PHYH: variants seen among roughly 807,000 people sequenced by gnomAD.
The protein encoded by PHYH is phytanoyl-CoA 2-hydroxylase, also known as phytanoyl-CoA dioxygenase, peroxisomal.
Under a neutral mutation model 38.5 loss-of-function variants are expected in PHYH, and 32 were observed. That is an observed-to-expected ratio of 0.83 (90% CI 0.63 to 1.12). The LOEUF is 1.12. Among genes scored for constraint, PHYH ranks in the 50% most tolerant of loss-of-function variants. The probability of loss-of-function intolerance (pLI) is 0.00; values close to 1 mark genes in which losing one functional copy is unlikely to be tolerated. For synonymous variants in PHYH, 166 were observed against 157.9 expected (o/e 1.05, Z -0.38); for missense variants, 426 against 434.8 (o/e 0.98, Z 0.18).
chr10:13,293,859 C>G (rs187601992), intron 4 of PHYH, among the ~76,000 whole-genome samples: 3 of 151,826 alleles, frequency 2.0e-5, no homozygotes, highest in Admixed American at 6.6e-5. Flanking sequence ...ATAATTTATA[C>G]CTCCTAAAAT....
At chr10:13,282,268 A>C (rs1034157982) in intron 7 of PHYH, among the ~76,000 whole-genome samples, 3 of 151,854 alleles carry the variant, frequency 2.0e-5, no homozygotes, top group Non-Finnish European at 4.4e-5. Flanking sequence ...TATATAAACA[A>C]ATAATAAAAT....
chr10:13,295,244 G>C (rs1001649250), intron 3 of PHYH: 1 of 465,440 alleles, frequency 2.1e-6, no homozygotes, highest in Non-Finnish European at 3.9e-6. Context: ...CAAGAGGATT[G>C]CTTGAGCCCA....
intron 4 of PHYH, among the ~76,000 whole-genome samples, chr10:13,294,184 A>G (rs568135197): frequency 6.6e-6 from 1 of 152,298 alleles, no homozygotes; most frequent in South Asian, 2.1e-4. Context: ...CGTGGGCAAC[A>G]GAGCGAGACT....
rs973208663 is a variant in PHYH at position 13,297,859 on chromosome 10, C to T, written c.134+328G>A. On this transcript the variant is annotated intron_variant, in intron 2 of 8. Transcript: ENST00000263038. ...GCTGCAATCCCAGCACTTTGGGAGG[C>T]CAAGGCAGGAGGATTGCTTTAGCCC... Among the ~76,000 whole-genome samples, 173 of 151,882 alleles carry T rather than the reference C, an allele frequency of 1.1e-3. 1 individual carries two copies. The highest frequency in any genetic ancestry group is 6.8e-3 in the Middle Eastern group (2 of 292).
At position 13,299,681 on chromosome 10, in the gene PHYH, T is replaced by C. The variant is rs1044302270; in HGVS notation, c.75+287A>G. The C allele has an allele frequency of 2.2e-5, 27 of 1,242,536 alleles. No individual in the cohort carries two copies. In the Admixed American group the frequency reaches 8.2e-4, roughly 38 times the overall value. The allele number at this position is 1,242,536 out of a possible 1,614,324, so 77.0% of individuals were successfully genotyped here. A position where few individuals can be genotyped will look rare whatever the true frequency, so the allele number is the denominator to read the frequency against. ...GTCACGCGCCGCCGGTGAAACGACG[T>C]CTCCACAAAGAGAGGAGCAGAGGCC... On this transcript the variant is annotated intron_variant, in intron 1 of 8. Transcript: ENST00000263038.
At position 13,298,091 on chromosome 10, in the gene PHYH, C is replaced by A. The variant is rs116631073; in HGVS notation, c.134+96G>T. On this transcript the variant is annotated intron_variant, in intron 2 of 8. Transcript: ENST00000263038. ...AACAGAGGATTTGTATAATAAAATT[C>A]TAATCAGGTAACATATTATGTGGTA... The A allele has an allele frequency of 2.2e-3, 1,686 of 772,400 alleles. 15 individuals carry two copies. In the African/African-American group the frequency reaches 0.026, roughly 12 times the overall value. The allele number at this position is 772,400 out of a possible 1,614,324, so 47.8% of individuals were successfully genotyped here.
chr10:13,297,339 G>A (rs1199201942), intron 2 of PHYH, among the ~76,000 whole-genome samples: 1 of 152,220 alleles, frequency 6.6e-6, no homozygotes, highest in African/African-American at 2.4e-5. Context: ...GATCGGAATT[G>A]TGGTTGTATG....
chr10:13,286,043 G>A (rs1362237937), intron 6 of PHYH, among the ~76,000 whole-genome samples: 1 of 151,992 alleles, frequency 6.6e-6, no homozygotes, highest in African/African-American at 2.4e-5. Context: ...GAATAGCTGG[G>A]ACTACATGCA....
chr10:13,296,317 C>T (rs1223498331), intron 2 of PHYH, among the ~76,000 whole-genome samples: 1 of 152,062 alleles, frequency 6.6e-6, no homozygotes, highest in African/African-American at 2.4e-5. Flanking sequence ...TGGCTCATGC[C>T]TGTAATCCCA....
intron 6 of PHYH, among the ~76,000 whole-genome samples, chr10:13,286,814 T>C (rs1835562790): frequency 2.0e-5 from 3 of 151,910 alleles, no homozygotes; most frequent in African/African-American, 4.8e-5. Context: ...ATCTATACTA[T>C]GTGATTACAT....
Position 13,295,592 on chromosome 10 carries a change from T to C in PHYH, c.149A>G (p.Asn50Ser), listed in dbSNP as rs1269727332. The C allele has an allele frequency of 8.3e-7, 1 of 1,202,604 alleles. No homozygotes were observed. Among genetic ancestry groups the C allele is most frequent in the Non-Finnish European group, 1.2e-6 (1 of 803,812 alleles). The allele number at this position is 1,202,604 out of a possible 1,614,324, so 74.5% of individuals were successfully genotyped here. The change falls in exon 3 of 9, where the codon AAT becomes AGT. Residue 50 changes from asparagine to serine, a missense_variant. Transcript: ENST00000263038. Reference sequence around the variant, plus strand: ...TCTCTGTTCCAGGGTTAGAACGTTATTATCCAGAGTATACCTAAAGGAGAA... The same window carrying C: ...TCTCTGTTCCAGGGTTAGAACGTTACTATCCAGAGTATACCTAAAGGAGAA... The part of the protein sequence containing the change: ...HPQQFQYTLD[N>S]NVLTLEQRKF...
chr10:13,293,252 G>C (rs1835756677), intron 4 of PHYH, among the ~76,000 whole-genome samples: 1 of 152,012 alleles, frequency 6.6e-6, no homozygotes, highest in Non-Finnish European at 1.5e-5. Flanking sequence ...CTGTTATTTA[G>C]CCAATGATTT....
intron 4 of PHYH, among the ~76,000 whole-genome samples, chr10:13,292,565 C>T (rs185721359): frequency 6.6e-6 from 1 of 152,192 alleles, no homozygotes; most frequent in African/African-American, 2.4e-5. Context: ...CTGGTTTAGT[C>T]GTGGGGCCTG....
intron 7 of PHYH, among the ~76,000 whole-genome samples, chr10:13,281,914 T>C (rs539015866): frequency 2.0e-5 from 3 of 152,294 alleles, no homozygotes; most frequent in African/African-American, 7.2e-5. Context: ...CCTATATCTG[T>C]ATCTTTATGA....
chr10:13,284,833 ATCCCC>A (rs1835506870), intron 6 of PHYH, among the ~76,000 whole-genome samples: 1 of 152,184 alleles, frequency 6.6e-6, no homozygotes, highest in Non-Finnish European at 1.5e-5. Context: ...TCCTAAGAGC[ATCCCC>A]AGTTCCTTCT....
intron 4 of PHYH, among the ~76,000 whole-genome samples, chr10:13,293,211 G>C (rs1835755729): frequency 1.3e-5 from 2 of 152,090 alleles, no homozygotes; most frequent in Non-Finnish European, 1.5e-5. Context: ...CCATTCAAGA[G>C]CCATCCTCAC....
At chr10:13,290,374 G>A (rs1390440487) in intron 5 of PHYH, among the ~76,000 whole-genome samples, 1 of 152,084 alleles carries the variant, frequency 6.6e-6, no homozygotes, top group East Asian at 1.9e-4. Context: ...CAGTCGGAGT[G>A]CCCATGACCA....
chr10:13,291,763 G>A (rs1467684624), intron 5 of PHYH, 68 bp downstream of exon 5: 11 of 1,029,934 alleles, frequency 1.1e-5, no homozygotes, highest in South Asian at 5.1e-5. Flanking sequence ...ACAGGCATGA[G>A]TTACTGCACC....
In PHYH at chr10:13,300,016, A is replaced by G; in HGVS notation, c.27T>C (p.Arg9=). MEQLRAAA[R]LQIVLGHLGR... Reference sequence around the variant, plus strand: ...CGAGGTGGCCCAGAACAATCTGCAGACGGGCGGCGGCGCGAAGCTGCTCCA... The same window carrying G: ...CGAGGTGGCCCAGAACAATCTGCAGGCGGGCGGCGGCGCGAAGCTGCTCCA... Residue 9 remains arginine (R), a synonymous_variant, in exon 1 of 9, where the codon CGT becomes CGC. Coordinates refer to ENST00000263038, the MANE Select transcript of PHYH (RefSeq NM_006214.4). The G allele has an allele frequency of 6.5e-7, 1 of 1,532,580 alleles. No homozygotes were observed. The highest frequency in any genetic ancestry group is 2.0e-5 in the Admixed American group (1 of 50,684). 94.9% of individuals were successfully genotyped at this position (1,532,580 alleles called of 1,614,324 possible).
Sources: gnomAD v4.1 joint callset for allele counts (sites outside exome capture counted in the v4.1 genomes callset) on GRCh38, gnomAD v4.1.1 for gene constraint, MANE v1.5 for transcripts, NCBI Gene and HGNC (gene_info 2026-07-23, HGNC 2026-07-21) for gene names.